The following NFAT5 variants were observed in gnomAD, a reference collection of about 807,000 sequenced individuals.
NFAT5 encodes nuclear factor of activated T cells 5.
Under a neutral mutation model 166.5 loss-of-function variants are expected in NFAT5, and 31 were observed. That is an observed-to-expected ratio of 0.19 (90% CI 0.14 to 0.25). The LOEUF (loss-of-function observed/expected upper bound fraction) is 0.25, where lower values mean the gene tolerates loss of function less well. NFAT5 is among the 10% of genes least tolerant of loss of function. NFAT5 has a pLI of 1.00. For synonymous variants in NFAT5, 612 were observed against 639.7 expected, an observed-to-expected ratio of 0.96 and a Z score of 0.65; for missense variants, 1,449 against 1,821.8, an observed-to-expected ratio of 0.80 and a Z score of 3.72.
At chr16:69,579,699 A>G (rs1164467178) in intron 2 of NFAT5, among the ~76,000 whole-genome samples, 1 of 152,340 alleles carries the variant, frequency 6.6e-6, no homozygotes, top group East Asian at 1.9e-4. Flanking sequence ...GAACAGATGC[A>G]CAGAAGTGCT....
chr16:69,567,729 G>C (rs2016152804), intron 1 of NFAT5, among the ~76,000 whole-genome samples: 1 of 152,036 alleles, frequency 6.6e-6, no homozygotes, highest in South Asian at 2.1e-4. Flanking sequence ...CATCCTGTAG[G>C]ATGTTTTTCG....
At chr16:69,646,426 A>T (rs975957401) in intron 3 of NFAT5, 5 of 479,110 alleles carry the variant, frequency 1.0e-5, no homozygotes, top group Non-Finnish European at 1.6e-5. Context: ...AGTTGATTAT[A>T]TATTTTTTCT....
At chr16:69,661,490 G>A (rs2036136481) in intron 7 of NFAT5, among the ~76,000 whole-genome samples, 1 of 122,398 alleles carries the variant, frequency 8.2e-6, no homozygotes, top group Non-Finnish European at 1.6e-5. Flanking sequence ...ATAGCAGTGA[G>A]CTATGATCAC....
intron 2 of NFAT5, among the ~76,000 whole-genome samples, chr16:69,614,429 C>T (rs966666312): frequency 6.6e-6 from 1 of 152,208 alleles, no homozygotes; most frequent in African/African-American, 2.4e-5. Flanking sequence ...TATGAAGCTA[C>T]AGTTACATAG....
Position 69,568,766 on chromosome 16 carries a change from G to GA in NFAT5, c.127+227dup, listed in dbSNP as rs928617014. Reference sequence around the variant, plus strand: ...TGTTCTATCTGCTTTGAGAAACATTGAAAAAAAAATCATTTTAAATTATGT... The same window carrying GA: ...TGTTCTATCTGCTTTGAGAAACATTGAAAAAAAAAATCATTTTAAATTATGT... On this transcript the variant is annotated intron_variant, in intron 2 of 14. Coordinates refer to ENST00000349945, the MANE Select transcript of NFAT5 (RefSeq NM_138713.4). Among the ~76,000 whole-genome samples, 14 of 150,252 alleles carry GA rather than the reference G, an allele frequency of 9.3e-5. No individual in the cohort carries two copies. In the South Asian group the frequency reaches 1.1e-3, roughly 11 times the overall value.
At chr16:69,676,346 T>A (rs2036832798) in intron 9 of NFAT5, among the ~76,000 whole-genome samples, 1 of 152,170 alleles carries the variant, frequency 6.6e-6, no homozygotes, top group African/African-American at 2.4e-5. Context: ...CTGCCACTGT[T>A]CCAACTAAAA....
intron 7 of NFAT5, among the ~76,000 whole-genome samples, chr16:69,666,664 A>G (rs1220621818): frequency 2.0e-5 from 3 of 152,138 alleles, no homozygotes; most frequent in Admixed American, 1.3e-4. Flanking sequence ...TTAAAAAGTC[A>G]GGAAACAGCA....
rs1329082367 is a variant in NFAT5 at position 69,695,271 on chromosome 16, C to G, written c.4550C>G (p.Ser1517Cys). ...TLLSQQMPEN[S>C]PLASSINTNQ... ...CTTTCTCAGCAAATGCCAGAGAATT[C>G]TCCACTGGCATCCTCTATAAACACC... Residue 1517 changes from serine to cysteine, a missense_variant, in exon 14 of 15, where the codon TCT (serine) becomes TGT (cysteine). By Grantham distance (112) the Ser-to-Cys change is moderately radical (BLOSUM62 -1). This residue lies in a region of NFAT5 where 891 missense variants were observed against 993.0 expected (regional missense o/e 0.90). Transcript: ENST00000349945. 2 of 1,614,116 alleles carry G rather than the reference C, an allele frequency of 1.2e-6. No individual in the cohort carries two copies. The highest frequency in any genetic ancestry group is 2.2e-5 in the South Asian group (2 of 91,080).
chr16:69,692,850 G>A lies in NFAT5; in HGVS notation c.3025G>A (p.Glu1009Lys), dbSNP rs2037604122. The stretch of plus-strand genomic sequence containing the variant: ...TCAGACATCAAGTTCAGGAGATGGA[G>A]AAGAAACTGGAACACAAGCAAAACA... ...MFQTSSSGDG[E>K]ETGTQAKQIQ... Residue 1009 changes from glutamate to lysine, a missense_variant, in exon 13 of 15, where the codon GAA (glutamate) becomes AAA (lysine). Transcript: ENST00000349945. The A allele has an allele frequency of 6.2e-7, 1 of 1,614,092 alleles. No individual in the cohort carries two copies. The highest frequency in any genetic ancestry group is 1.7e-5 in the Admixed American group (1 of 60,006).
chr16:69,642,983 C>T (rs2035279638), intron 3 of NFAT5, among the ~76,000 whole-genome samples: 1 of 151,806 alleles, frequency 6.6e-6, no homozygotes, highest in Non-Finnish European at 1.5e-5. Context: ...GTCAGGAGGC[C>T]GAGGTGGGTG....
intron 4 of NFAT5, chr16:69,648,590 G>C: frequency 2.0e-6 from 2 of 984,132 alleles, no homozygotes; most frequent in Non-Finnish European, 2.4e-6. Context: ...CAATAGCTAT[G>C]TTACAGAATA....
intron 2 of NFAT5, among the ~76,000 whole-genome samples, chr16:69,597,669 G>T (rs571159340): frequency 6.6e-6 from 1 of 151,134 alleles, no homozygotes; most frequent in African/African-American, 2.4e-5. Context: ...TCAGCTCACC[G>T]CAAGCTCTGC....
At chr16:69,648,269 C>T (rs1402622755) in intron 4 of NFAT5, 2 of 984,068 alleles carry the variant, frequency 2.0e-6, no homozygotes, top group Non-Finnish European at 2.4e-6. Flanking sequence ...GAGCTATGTT[C>T]TCTTTCCAAT....
intron 1 of NFAT5, 96 bp from the exon 2 acceptor site, chr16:69,568,385 TATATATATACACAC>T: frequency 1.4e-5 from 5 of 358,820 alleles, no homozygotes; most frequent in African/African-American, 2.7e-5. Flanking sequence ...TGTATATATA[TATATATATACACAC>T]ACACACATTG....
rs2037724213 is a variant in NFAT5, at chr16:69,695,288, A to G, written c.4567A>G (p.Ile1523Val). Residue 1523 changes from isoleucine to valine, a missense_variant, in exon 14 of 15, where the codon ATA (isoleucine) becomes GTA (valine). By Grantham distance (29) the Ile-to-Val change is conservative (BLOSUM62 3). Transcript: ENST00000349945. ...AGAGAATTCTCCACTGGCATCCTCT[A>G]TAAACACCAACCAGAACATCGAAAA... is the stretch of plus-strand genomic sequence containing the variant. ...MPENSPLASSINTNQNIEKID... is the reference protein window; with the variant it reads ...MPENSPLASSVNTNQNIEKID... 1.9e-6 allele frequency: 3 copies of G among 1,614,110 alleles called. No individual in the cohort carries two copies. The highest frequency in any genetic ancestry group is 2.5e-6 in the Non-Finnish European group (3 of 1,180,036).
Position 69,655,799 on chromosome 16 carries a change from C to T in NFAT5, c.1196C>T (p.Ala399Val). ...GATCCTAGCAACAACATGACACTGG[C>T]GTAAGTACTTAGTAAGAATTTTTCA... Reference protein sequence around the residue: ...GLDPSNNMTLAVDCVGILKLR... With the variant: ...GLDPSNNMTLVVDCVGILKLR... Residue 399 changes from alanine (A) to valine (V), a missense_variant and splice_region_variant, in exon 6 of 15, where the codon GCG (alanine) becomes GTG (valine). Physicochemically the swap from Ala to Val is moderately conservative, Grantham distance 64. Transcript: ENST00000349945. The T allele has an allele frequency of 1.9e-6, 3 of 1,607,972 alleles. No individual in the cohort carries two copies. Among genetic ancestry groups the T allele is most frequent in the Non-Finnish European group, 1.7e-6 (2 of 1,176,198 alleles).
intron 3 of NFAT5, among the ~76,000 whole-genome samples, chr16:69,638,539 G>A (rs1597449789): frequency 6.6e-6 from 1 of 152,022 alleles, no homozygotes; most frequent in African/African-American, 2.4e-5. Flanking sequence ...TTCAAGACCA[G>A]CCTGGCCAAC....
At chr16:69,589,787 A>G (rs2032345069) in intron 2 of NFAT5, among the ~76,000 whole-genome samples, 2 of 152,154 alleles carry the variant, frequency 1.3e-5, no homozygotes, top group Non-Finnish European at 2.9e-5. Flanking sequence ...AGTTATTTAT[A>G]ATTTTGTTTC....
chr16:69,576,878 G>C (rs981035591), intron 2 of NFAT5, among the ~76,000 whole-genome samples: 51 of 152,274 alleles, frequency 3.3e-4, no homozygotes, highest in African/African-American at 1.2e-3. Context: ...ACCACCTAAG[G>C]GGAATTACTT....
Sources: gnomAD v4.1 joint callset for allele counts (sites outside exome capture counted in the v4.1 genomes callset) on GRCh38, gnomAD v4.1.1 for gene constraint, gnomAD v4.1.1 regional missense constraint, MANE v1.5 for transcripts, NCBI Gene and HGNC (gene_info 2026-07-23, HGNC 2026-07-21) for gene names.